RALA: variants seen among roughly 807,000 people sequenced by gnomAD.
The protein encoded by RALA is ras-related protein Ral-A.
In RALA, 5 loss-of-function variants were observed where a neutral mutation model predicts 24.0. That is an observed-to-expected ratio of 0.21 (90% confidence interval 0.11 to 0.44). The LOEUF is 0.44. Ranked by LOEUF, RALA falls within the 20% of genes least tolerant of loss-of-function variation. The pLI, the probability that RALA is intolerant of heterozygous loss-of-function variation, is 0.99. For synonymous variants in RALA, 77 were observed against 83.8 expected, an observed-to-expected ratio of 0.92 and a Z score of 0.44; for missense variants, 95 against 241.2, an observed-to-expected ratio of 0.39 and a Z score of 4.01.
At chr7:39,677,554 A>C (rs567940183) in intron 1 of RALA, among the ~76,000 whole-genome samples, 70 of 60,580 alleles carry the variant, frequency 1.2e-3, no homozygotes, top group African/African-American at 3.8e-3. Context: ...ATTTATAGTC[A>C]TTTGGGTATA....
intron 1 of RALA, among the ~76,000 whole-genome samples, chr7:39,626,757 T>C (rs1376316802): frequency 2.0e-5 from 3 of 152,214 alleles, no homozygotes; most frequent in African/African-American, 7.2e-5. Flanking sequence ...ACCATAAATC[T>C]ATTTGTAGTG....
chr7:39,658,538 T>C (rs903808987), intron 1 of RALA, among the ~76,000 whole-genome samples: 1 of 152,154 alleles, frequency 6.6e-6, no homozygotes, highest in African/African-American at 2.4e-5. Context: ...ACAGTGATGA[T>C]TTTTAACCAG....
At chr7:39,638,471 A>C (rs1319411122) in intron 1 of RALA, among the ~76,000 whole-genome samples, 1 of 152,120 alleles carries the variant, frequency 6.6e-6, no homozygotes, top group Admixed American at 6.5e-5. Flanking sequence ...GTAGTATTCT[A>C]TTCTATGGAT....
At chr7:39,647,501 C>G (rs1344037287) in intron 1 of RALA, among the ~76,000 whole-genome samples, 2 of 152,170 alleles carry the variant, frequency 1.3e-5, no homozygotes, top group Non-Finnish European at 2.9e-5. Flanking sequence ...CAATGTAGGT[C>G]TGGAGTTTCA....
intron 1 of RALA, 119 bp from the exon 2 acceptor site, chr7:39,686,512 G>A: frequency 1.7e-6 from 1 of 578,874 alleles, no homozygotes; most frequent in Non-Finnish European, 3.0e-6. Context: ...TTTGCCATCT[G>A]TTTAAAATCA....
At chr7:39,634,119 A>G (rs1791646231) in intron 1 of RALA, among the ~76,000 whole-genome samples, 2 of 151,500 alleles carry the variant, frequency 1.3e-5, no homozygotes, top group Non-Finnish European at 2.9e-5. Context: ...CCTTCCTAGA[A>G]CTCCTTACAA....
intron 1 of RALA, among the ~76,000 whole-genome samples, chr7:39,645,642 T>G (rs969209583): frequency 1.3e-5 from 2 of 152,222 alleles, no homozygotes; most frequent in Non-Finnish European, 2.9e-5. Flanking sequence ...AATAAAATGT[T>G]TCTTGAATGA....
chr7:39,704,178 A>G (rs1229201110), intron 4 of RALA, among the ~76,000 whole-genome samples: 1 of 146,882 alleles, frequency 6.8e-6, no homozygotes, highest in Non-Finnish European at 1.5e-5. Context: ...AAAAAAAAAA[A>G]GAAGTTTAAG....
chr7:39,657,667 A>G (rs530803744), intron 1 of RALA, among the ~76,000 whole-genome samples: 3 of 152,076 alleles, frequency 2.0e-5, no homozygotes, highest in Non-Finnish European at 4.4e-5. Flanking sequence ...GACACCTGTA[A>G]TCCCAGCACT....
At chr7:39,653,763 A>G (rs959179978) in intron 1 of RALA, among the ~76,000 whole-genome samples, 1 of 152,158 alleles carries the variant, frequency 6.6e-6, no homozygotes, top group African/African-American at 2.4e-5. Flanking sequence ...TGTTTGTAGT[A>G]CATTGTACTT....
intron 1 of RALA, among the ~76,000 whole-genome samples, chr7:39,645,985 A>G (rs937003529): frequency 9.8e-5 from 15 of 152,336 alleles, no homozygotes; most frequent in Non-Finnish European, 1.6e-4. Flanking sequence ...AAGAAGCATT[A>G]TAAGATTTGC....
chr7:39,682,210 T>C (rs1188333491), intron 1 of RALA, among the ~76,000 whole-genome samples: 2 of 152,352 alleles, frequency 1.3e-5, no homozygotes, highest in Non-Finnish European at 2.9e-5. Flanking sequence ...TGCAGAGTGC[T>C]CAGAACAGTG....
chr7:39,654,358 G>T (rs1224147673), intron 1 of RALA, among the ~76,000 whole-genome samples: 2 of 152,106 alleles, frequency 1.3e-5, no homozygotes, highest in African/African-American at 2.4e-5. Flanking sequence ...ATTCTTTGAT[G>T]GGGCTTACAG....
At chr7:39,690,813 G>A (rs1792802635) in intron 3 of RALA, among the ~76,000 whole-genome samples, 1 of 152,096 alleles carries the variant, frequency 6.6e-6, no homozygotes, top group Admixed American at 6.5e-5. Flanking sequence ...CACCTGTATT[G>A]GAGTTTGATT....
intron 1 of RALA, among the ~76,000 whole-genome samples, chr7:39,628,605 G>C (rs189500086): frequency 7.0e-4 from 107 of 152,274 alleles, no homozygotes; most frequent in African/African-American, 2.4e-3. Context: ...ACCCGTGCTG[G>C]AGTGCAGTGG....
At position 39,707,919 on chromosome 7, in the gene RALA, G is replaced by A. The variant is rs1220482734; in HGVS notation, c.*1674G>A. The A allele has an allele frequency of 2.6e-5, 4 of 152,616 alleles. No homozygotes were observed. Among genetic ancestry groups the A allele is most frequent in the Admixed American group, 2.6e-4 (4 of 15,284 alleles). The allele number at this position is 152,616 out of a possible 1,614,324, so 9.5% of individuals were successfully genotyped here. A position where few individuals can be genotyped will look rare whatever the true frequency, so the allele number is the denominator to read the frequency against. ...CCAGCGGGCCCAGCAATCTCCATGT[G>A]TACTTATTACAGTCTTATTTAACCA... On this transcript the variant is annotated 3_prime_UTR_variant, in exon 5 of 5. Transcript: ENST00000005257.
intron 1 of RALA, among the ~76,000 whole-genome samples, chr7:39,671,067 CT>C (rs1202354785): frequency 4.6e-5 from 7 of 151,512 alleles, no homozygotes; most frequent in East Asian, 1.9e-4. Context: ...TCATTTGACT[CT>C]TTTTTTTTCT....
At chr7:39,666,896 A>G (rs1457376574) in intron 1 of RALA, among the ~76,000 whole-genome samples, 2 of 152,342 alleles carry the variant, frequency 1.3e-5, no homozygotes, top group East Asian at 1.9e-4. Flanking sequence ...GGCTTTGATC[A>G]ATACATCTTC....
chr7:39,625,404 C>G (rs1027562754), intron 1 of RALA, among the ~76,000 whole-genome samples: 4 of 152,160 alleles, frequency 2.6e-5, no homozygotes, highest in African/African-American at 9.7e-5. Flanking sequence ...TGATACACAT[C>G]AAGTTTATGT....
Sources: gnomAD v4.1 joint callset for allele counts (sites outside exome capture counted in the v4.1 genomes callset) on GRCh38, gnomAD v4.1.1 for gene constraint, MANE v1.5 for transcripts, NCBI Gene and HGNC (gene_info 2026-07-23, HGNC 2026-07-21) for gene names.